CACHD1: variants seen among roughly 807,000 people sequenced by gnomAD.
The protein encoded by CACHD1 is cache domain containing 1.
Under a neutral mutation model 138.7 loss-of-function variants are expected in CACHD1, and 71 were observed. The observed-to-expected ratio is 0.51, with a 90% CI of 0.42 to 0.62. The LOEUF (loss-of-function observed/expected upper bound fraction) is 0.62. Among genes scored for constraint, CACHD1 ranks in the 20% least tolerant of loss-of-function variants. The pLI is 0.00. For missense variants in CACHD1, 1,389 were observed against 1,625.3 expected (o/e 0.85, Z 2.50); for synonymous variants, 578 against 591.5 (o/e 0.98, Z 0.33).
At chr1:64,491,059 G>T (rs1224537692) in intron 1 of CACHD1, among the ~76,000 whole-genome samples, 1 of 152,074 alleles carries the variant, frequency 6.6e-6, no homozygotes, top group Non-Finnish European at 1.5e-5. Flanking sequence ...GTCTAAAATC[G>T]AGAGACCAGT....
intron 3 of CACHD1, among the ~76,000 whole-genome samples, chr1:64,601,938 T>C (rs1355695568): frequency 2.0e-5 from 3 of 152,252 alleles, no homozygotes; most frequent in Non-Finnish European, 4.4e-5. Flanking sequence ...GATCCTTCAC[T>C]TTTGTTACTC....
intron 1 of CACHD1, among the ~76,000 whole-genome samples, chr1:64,503,037 A>G (rs147463201): frequency 0.02 from 3,000 of 152,272 alleles, 39 homozygotes; most frequent in Middle Eastern, 0.034. Context: ...ATTAATTTCC[A>G]TCTGATAGAG....
chr1:64,689,325 G>T (rs897207752), intron 26 of CACHD1, among the ~76,000 whole-genome samples: 1 of 152,144 alleles, frequency 6.6e-6, no homozygotes, highest in Non-Finnish European at 1.5e-5. Flanking sequence ...TCTGTGAGTT[G>T]TCCTTTCTTA....
At position 64,639,887 on chromosome 1, in the gene CACHD1, T is replaced by C. The variant is rs539274746; in HGVS notation, c.1007-1933T>C. On this transcript the variant is annotated intron_variant, in intron 7 of 26. Coordinates refer to ENST00000651257, the MANE Select transcript of CACHD1 (RefSeq NM_020925.4). Reference sequence around the variant, plus strand: ...GCTGGGTGCCTCTGGCCCAACGAGTTTCTTGAGACGGCAGTCAGCCTATTG... The same window carrying C: ...GCTGGGTGCCTCTGGCCCAACGAGTCTCTTGAGACGGCAGTCAGCCTATTG... Among the ~76,000 whole-genome samples the C allele has an allele frequency of 1.6e-3, 240 of 152,338 alleles. 1 individual carries two copies. Among genetic ancestry groups the C allele is most frequent in the African/African-American group, 5.3e-3 (221 of 41,576 alleles).
chr1:64,501,584 C>T (rs149452491), intron 1 of CACHD1, among the ~76,000 whole-genome samples: 89 of 152,332 alleles, frequency 5.8e-4, no homozygotes, highest in African/African-American at 2.1e-3. Flanking sequence ...CTAGAAATTA[C>T]ATCTTCTTCT....
rs991230647 is a variant in CACHD1, at chr1:64,663,769, C to T, written c.2026C>T (p.Arg676Cys). Reference sequence around the variant, plus strand: ...GCACCTCAGCCAGCCAGAGACAAAGCGCATGGTAGAGCACTACACCGCCTA... The same window carrying T: ...GCACCTCAGCCAGCCAGAGACAAAGTGCATGGTAGAGCACTACACCGCCTA... The part of the protein sequence containing the change: ...YEHLSQPETK[R>C]MVEHYTAYLS... The change falls in exon 14 of 27, where the codon CGC becomes TGC. Residue 676 changes from arginine (R) to cysteine (C), a missense_variant. By Grantham distance (180) the Arg-to-Cys change is radical. Around this residue, in one of 5 missense-constraint regions of CACHD1, gnomAD observed 1,000 missense variants for 1,114.7 expected, o/e 0.90. Coordinates refer to ENST00000651257, the MANE Select transcript of CACHD1 (RefSeq NM_020925.4). 8 of 1,613,980 alleles carry T rather than the reference C, an allele frequency of 5.0e-6. No individual in the cohort carries two copies. The highest frequency in any genetic ancestry group is 2.2e-5 in the East Asian group (1 of 44,872).
At chr1:64,625,985 G>A (rs1648088948) in intron 4 of CACHD1, among the ~76,000 whole-genome samples, 1 of 152,166 alleles carries the variant, frequency 6.6e-6, no homozygotes, top group Non-Finnish European at 1.5e-5. Context: ...TCTCCATTAT[G>A]TTTCATCAGT....
At chr1:64,575,338 C>T (rs1646958767) in intron 2 of CACHD1, among the ~76,000 whole-genome samples, 1 of 152,124 alleles carries the variant, frequency 6.6e-6, no homozygotes, top group Non-Finnish European at 1.5e-5. Context: ...AGAGTGAGAG[C>T]ATTTCTTATA....
Position 64,525,776 on chromosome 1 carries a change from C to A in CACHD1, c.199-24818C>A, listed in dbSNP as rs116629309. On this transcript the variant is annotated intron_variant, in intron 1 of 26. Transcript: ENST00000651257. ...GGCAACATTGCATTCTTCAGCCTGC[C>A]TATGAAGGATTGCTAACTTTATTGC... Among the ~76,000 whole-genome samples the A allele has an allele frequency of 8.2e-3, 1,244 of 152,264 alleles. 18 individuals are homozygous for A. Among genetic ancestry groups the A allele is most frequent in the African/African-American group, 0.029 (1,185 of 41,540 alleles).
chr1:64,685,544 A>C (rs574181306), intron 26 of CACHD1, among the ~76,000 whole-genome samples: 2 of 152,164 alleles, frequency 1.3e-5, no homozygotes, highest in East Asian at 3.9e-4. Flanking sequence ...TTTGAAGCCT[A>C]CTTCTCCCCC....
At chr1:64,582,000 A>AC (rs1343451087) in intron 2 of CACHD1, among the ~76,000 whole-genome samples, 156 bp from the exon 3 acceptor site, 1 of 152,086 alleles carries the variant, frequency 6.6e-6, no homozygotes, top group Non-Finnish European at 1.5e-5. Context: ...TTTTATCTCA[A>AC]CCCACACAGG....
At chr1:64,605,541 C>T (rs1647310776) in intron 4 of CACHD1, among the ~76,000 whole-genome samples, 2 of 152,152 alleles carry the variant, frequency 1.3e-5, no homozygotes, top group Admixed American at 1.3e-4. Context: ...TAACGTATTT[C>T]TGATAATAGA....
chr1:64,500,732 AAAAG>A (rs1485980559), intron 1 of CACHD1, among the ~76,000 whole-genome samples: 67 of 51,770 alleles, frequency 1.3e-3, no homozygotes, highest in African/African-American at 2.6e-3. Context: ...AAAAAAAAAA[AAAAG>A]AGAGAGAGAG....
At chr1:64,576,460 T>C (rs911798615) in intron 2 of CACHD1, among the ~76,000 whole-genome samples, 1 of 151,924 alleles carries the variant, frequency 6.6e-6, no homozygotes, top group Non-Finnish European at 1.5e-5. Flanking sequence ...CTGGGTTTGG[T>C]TGGCGTGCTA....
At chr1:64,593,038 G>C (rs1056143907) in intron 3 of CACHD1, among the ~76,000 whole-genome samples, 2 of 152,150 alleles carry the variant, frequency 1.3e-5, no homozygotes, top group African/African-American at 4.8e-5. Flanking sequence ...TAACTAAAGG[G>C]TGAAAAGAGG....
intron 4 of CACHD1, among the ~76,000 whole-genome samples, chr1:64,615,869 C>G (rs1023619652): frequency 6.6e-6 from 1 of 152,116 alleles, no homozygotes; most frequent in African/African-American, 2.4e-5. Flanking sequence ...ACAATCAGTC[C>G]GTTCCTTCTT....
At chr1:64,555,851 CTG>C (rs1217004985) in intron 2 of CACHD1, among the ~76,000 whole-genome samples, 1 of 152,228 alleles carries the variant, frequency 6.6e-6, no homozygotes, top group African/African-American at 2.4e-5. Context: ...TATTCTATCT[CTG>C]TCAAACAATC....
intron 2 of CACHD1, among the ~76,000 whole-genome samples, chr1:64,569,578 C>G (rs1045490859): frequency 3.9e-5 from 6 of 152,200 alleles, no homozygotes; most frequent in African/African-American, 1.4e-4. Context: ...GGGGGCCTTG[C>G]GGCAGGGCAG....
At chr1:64,547,095 AT>A (rs1166867724) in intron 1 of CACHD1, among the ~76,000 whole-genome samples, 1 of 152,074 alleles carries the variant, frequency 6.6e-6, no homozygotes, top group African/African-American at 2.4e-5. Context: ...CCTGGGATAT[AT>A]TTTCTACCTT....
Sources: gnomAD v4.1 joint callset for allele counts (sites outside exome capture counted in the v4.1 genomes callset) on GRCh38, gnomAD v4.1.1 for gene constraint, gnomAD v4.1.1 regional missense constraint, MANE v1.5 for transcripts, NCBI Gene and HGNC (gene_info 2026-07-23, HGNC 2026-07-21) for gene names.